The following RFX3 variants were observed in gnomAD, a reference collection of about 807,000 sequenced individuals.
The protein encoded by RFX3 is regulatory factor X3.
In RFX3, 14 loss-of-function variants were observed where a neutral mutation model predicts 98.6. The observed-to-expected ratio is 0.14, with a 90% CI of 0.09 to 0.22. The LOEUF (loss-of-function observed/expected upper bound fraction) is 0.22. Ranked by LOEUF, RFX3 falls within the 10% of genes least tolerant of loss-of-function variation. The pLI is 1.00. For synonymous variants in RFX3, 383 were observed against 328.4 expected (o/e 1.17, Z -1.80); for missense variants, 639 against 926.9 (o/e 0.69, Z 4.03).
intron 1 of RFX3, among the ~76,000 whole-genome samples, chr9:3,466,962 A>C (rs1848277053): frequency 6.7e-6 from 1 of 149,620 alleles, no homozygotes. Flanking sequence ...CATAAAGCCC[A>C]ATAAGAGTTT....
At chr9:3,463,344 TATC>T (rs1412112399) in intron 1 of RFX3, among the ~76,000 whole-genome samples, 1 of 152,090 alleles carries the variant, frequency 6.6e-6, no homozygotes, top group Non-Finnish European at 1.5e-5. Context: ...CAACACCTCA[TATC>T]ATATACAATA....
chr9:3,470,982 C>A (rs1458147784), intron 1 of RFX3, among the ~76,000 whole-genome samples: 1 of 152,152 alleles, frequency 6.6e-6, no homozygotes, highest in Non-Finnish European at 1.5e-5. Flanking sequence ...GATAATAACT[C>A]CTACCCCATC....
intron 2 of RFX3, among the ~76,000 whole-genome samples, chr9:3,380,280 C>G (rs1236293325): frequency 6.6e-6 from 1 of 152,146 alleles, no homozygotes. Context: ...TGGTGGTACC[C>G]TGAAGAAGTA....
chr9:3,363,361 T>C lies in RFX3; in HGVS notation c.118-16597A>G, dbSNP rs562211386. 5.3e-5 allele frequency among the ~76,000 whole-genome samples: 8 copies of C among 152,302 alleles called. No homozygotes were observed. The East Asian group carries it at 7.7e-4, about 15-fold the overall frequency. On this transcript the variant is annotated intron_variant, in intron 2 of 16. Transcript: ENST00000617270. ...CAACTCTAGAGAGACCATAAGAATATGTACTTTAAATGTATTTTCTGCTGT... is the reference window on the plus strand; with the variant it reads ...CAACTCTAGAGAGACCATAAGAATACGTACTTTAAATGTATTTTCTGCTGT...
chr9:3,247,656 C>G lies in RFX3; in HGVS notation c.1968+376G>C, dbSNP rs1586727685. The stretch of plus-strand genomic sequence containing the variant: ...TTCTTGGAGACCGGGAAAGAGTCTA[C>G]AAAATACATATTTAATCCTTTCCAT... On this transcript the variant is annotated intron_variant, in intron 15 of 16. Transcript: ENST00000617270. The G allele has an allele frequency of 7.1e-6, 10 of 1,412,584 alleles. No individual in the cohort carries two copies. In the East Asian group the frequency reaches 2.7e-4, roughly 38 times the overall value. The allele number at this position is 1,412,584 out of a possible 1,614,324, so 87.5% of individuals were successfully genotyped here.
intron 14 of RFX3, among the ~76,000 whole-genome samples, chr9:3,256,669 G>A (rs908781071): frequency 1.3e-5 from 2 of 152,222 alleles, no homozygotes; most frequent in African/African-American, 2.4e-5. Context: ...TATGTTGCAA[G>A]AGGGAGGACA....
At chr9:3,488,885 C>A in intron 1 of RFX3, 1 of 984,942 alleles carries the variant, frequency 1.0e-6, no homozygotes, top group Non-Finnish European at 1.2e-6. Flanking sequence ...CTAGAGTATC[C>A]TCCATGGCTG....
In RFX3 at chr9:3,288,530, T is replaced by C. The variant is rs531349412; in HGVS notation, c.732-280A>G. ...TTAGTCAAACAGTCCATTTGTTCCA[T>C]ACAAATTACATTCCATTTTCAAATT... On this transcript the variant is annotated intron_variant, in intron 6 of 16. Transcript: ENST00000617270. 5.4e-4 allele frequency among the ~76,000 whole-genome samples: 82 copies of C among 152,228 alleles called. No individual in the cohort carries two copies. The South Asian group carries it at 0.013, about 23-fold the overall frequency.
intron 5 of RFX3, among the ~76,000 whole-genome samples, chr9:3,298,586 T>TA (rs753954676): frequency 6.6e-6 from 1 of 151,832 alleles, no homozygotes; most frequent in Non-Finnish European, 1.5e-5. Flanking sequence ...TTCTTGGAAC[T>TA]ACCACTTGCA....
chr9:3,276,574 C>A lies in RFX3; in HGVS notation c.973+766G>T, dbSNP rs145421918. ...AAGAATATAACCCTAGGACTTCAGT[C>A]TGAGAAACGCTGCCATGTTTTCAAC... On this transcript the variant is annotated intron_variant, in intron 8 of 16. Coordinates refer to ENST00000617270, the MANE Select transcript of RFX3 (RefSeq NM_001282116.2). Among the ~76,000 whole-genome samples, 490 of 152,184 alleles carry A rather than the reference C, an allele frequency of 3.2e-3. 3 individuals are homozygous for A. Among genetic ancestry groups the A allele is most frequent in the African/African-American group, 0.011 (465 of 41,540 alleles).
intron 15 of RFX3, among the ~76,000 whole-genome samples, chr9:3,241,857 A>C (rs957559073): frequency 1.3e-5 from 2 of 152,178 alleles, no homozygotes; most frequent in African/African-American, 2.4e-5. Flanking sequence ...ATCTACTAAC[A>C]AAAAGTGCAA....
At chr9:3,493,700 A>AAATATATAT (rs398010211) in intron 1 of RFX3, among the ~76,000 whole-genome samples, 1 of 71,814 alleles carries the variant, frequency 1.4e-5, no homozygotes, top group African/African-American at 5.9e-5. Context: ...AAAAAAAAAA[A>AAATATATAT]ATATATATAT....
At chr9:3,430,853 G>A (rs970153134) in intron 1 of RFX3, among the ~76,000 whole-genome samples, 1 of 151,788 alleles carries the variant, frequency 6.6e-6, no homozygotes, top group African/African-American at 2.4e-5. Context: ...TAAGATGAAG[G>A]TATGTCATGA....
At chr9:3,366,721 T>TCTTTC (rs1448387003) in intron 2 of RFX3, among the ~76,000 whole-genome samples, 2 of 145,150 alleles carry the variant, frequency 1.4e-5, no homozygotes, top group Non-Finnish European at 3.0e-5. Flanking sequence ...TTTCTTTCTT[T>TCTTTC]CTTTCTTTCT....
At chr9:3,283,330 A>G (rs940860657) in intron 7 of RFX3, among the ~76,000 whole-genome samples, 12 of 151,770 alleles carry the variant, frequency 7.9e-5, no homozygotes, top group African/African-American at 2.9e-4. Context: ...TCCAGTTATT[A>G]AAAAAATTTT....
At chr9:3,416,570 G>C (rs182709595) in intron 1 of RFX3, among the ~76,000 whole-genome samples, 19 of 152,286 alleles carry the variant, frequency 1.2e-4, no homozygotes, top group Admixed American at 1.0e-3. Context: ...CACCCAATAT[G>C]ATTCCAGTAT....
Position 3,225,018 on chromosome 9 carries a change from TG to T in RFX3, c.*23del. The T allele has an allele frequency of 6.2e-7, 1 of 1,608,420 alleles. No homozygotes were observed. On this transcript the variant is annotated 3_prime_UTR_variant, in exon 17 of 17. Coordinates refer to ENST00000617270, the MANE Select transcript of RFX3 (RefSeq NM_001282116.2). ...CAATATCAACAGGGTTAATGTAAGC[TG>T]GAAAAATACGCTTTAATATTCTTTA...
At chr9:3,411,292 C>A (rs896069655) in intron 1 of RFX3, among the ~76,000 whole-genome samples, 6 of 152,072 alleles carry the variant, frequency 3.9e-5, no homozygotes, top group African/African-American at 1.4e-4. Context: ...GGAGAGCAAC[C>A]CAGTCCATCT....
intron 4 of RFX3, among the ~76,000 whole-genome samples, chr9:3,320,114 G>T (rs1831086995): frequency 6.6e-6 from 1 of 152,116 alleles, no homozygotes; most frequent in Non-Finnish European, 1.5e-5. Flanking sequence ...ACATGCATTT[G>T]GGGAATATGA....
Sources: gnomAD v4.1 joint callset for allele counts (sites outside exome capture counted in the v4.1 genomes callset) on GRCh38, gnomAD v4.1.1 for gene constraint, MANE v1.5 for transcripts, NCBI Gene and HGNC (gene_info 2026-07-23, HGNC 2026-07-21) for gene names.